Variants in MYO16 observed in about 807,000 individuals in gnomAD.
MYO16 encodes unconventional myosin-XVI.
Under a neutral mutation model 205.3 loss-of-function variants are expected in MYO16, and 94 were observed. The observed-to-expected ratio is 0.46, with a 90% CI of 0.39 to 0.54. MYO16 has a LOEUF of 0.54. Ranked by LOEUF, MYO16 falls within the 20% of genes least tolerant of loss-of-function variation. The pLI is 0.00. For synonymous variants in MYO16, 988 were observed against 954.0 expected (o/e 1.04, Z -0.66); for missense variants, 2,315 against 2,387.5 (o/e 0.97, Z 0.63).
chr13:108,722,164 C>G (rs960855255), intron 3 of MYO16, among the ~76,000 whole-genome samples: 1 of 152,150 alleles, frequency 6.6e-6, no homozygotes, highest in Non-Finnish European at 1.5e-5. Flanking sequence ...GGGGACCTGG[C>G]TCCAGGCTGC....
intron 16 of MYO16, among the ~76,000 whole-genome samples, chr13:108,938,914 T>C (rs999514751): frequency 1.3e-5 from 2 of 152,150 alleles, no homozygotes; most frequent in Non-Finnish European, 2.9e-5. Flanking sequence ...ACAGATCAGA[T>C]CCAGGTCACC....
chr13:108,549,578 T>C, the MYO16 span, among the ~76,000 whole-genome samples: 1 of 152,004 alleles, frequency 6.6e-6, no homozygotes, highest in Non-Finnish European at 1.5e-5. Context: ...AAATACCTAA[T>C]GTGTAAGTAA....
At position 109,025,729 on chromosome 13, in the gene MYO16, G is replaced by A. The variant is rs539347893; in HGVS notation, c.2796+5818G>A. 5.3e-5 allele frequency among the ~76,000 whole-genome samples: 8 copies of A among 152,230 alleles called. No individual in the cohort carries two copies. In the South Asian group the frequency reaches 1.7e-3, roughly 32 times the overall value. ...GAATTATGGGTTGGAGAAAGACATT[G>A]GCTCTTAGGAAAGTTAAATTTCCAT... On this transcript the variant is annotated intron_variant, in intron 23 of 34. Transcript: ENST00000457511.
chr13:108,564,174 T>A, the MYO16 span, among the ~76,000 whole-genome samples: 1 of 43,154 alleles, frequency 2.3e-5, no homozygotes, highest in East Asian at 1.3e-3. Context: ...ATTGCCTTCT[T>A]TTTTTTTTTT....
chr13:108,646,198 T>G (rs988201428), intron 1 of MYO16, among the ~76,000 whole-genome samples: 1 of 152,212 alleles, frequency 6.6e-6, no homozygotes, highest in Non-Finnish European at 1.5e-5. Flanking sequence ...TTTCTTTTTT[T>G]CCCTTGTTAA....
In MYO16 at chr13:108,678,231, C is replaced by G. The variant is rs1008111930; in HGVS notation, c.292+12082C>G. Among the ~76,000 whole-genome samples the G allele has an allele frequency of 1.1e-4, 17 of 152,210 alleles. 1 individual carries two copies. Among genetic ancestry groups the G allele is most frequent in the African/African-American group, 4.1e-4 (17 of 41,454 alleles). ...CAGAGAATTTCTAAAACTGGACATG[C>G]ATAAACACTGCTTCATAAAGCAGCA... On this transcript the variant is annotated intron_variant, in intron 2 of 34. Transcript: ENST00000457511.
intron 12 of MYO16, among the ~76,000 whole-genome samples, chr13:108,874,044 C>G (rs1209325830): frequency 6.6e-6 from 1 of 152,192 alleles, no homozygotes; most frequent in African/African-American, 2.4e-5. Flanking sequence ...GTGTCCTCAT[C>G]CTTGAGCACT....
intron 23 of MYO16, among the ~76,000 whole-genome samples, chr13:109,044,591 A>T (rs1886981092): frequency 6.6e-6 from 1 of 152,196 alleles, no homozygotes; most frequent in African/African-American, 2.4e-5. Context: ...AATTATCTCA[A>T]CTTCCATTAA....
chr13:109,175,192 A>T (rs1025153727), intron 33 of MYO16, among the ~76,000 whole-genome samples: 2 of 152,204 alleles, frequency 1.3e-5, no homozygotes, highest in Non-Finnish European at 2.9e-5. Context: ...CACCACAGTG[A>T]TGAGGAGGAT....
chr13:108,912,003 C>G (rs1191304135), intron 16 of MYO16, among the ~76,000 whole-genome samples: 1 of 152,114 alleles, frequency 6.6e-6, no homozygotes, highest in Non-Finnish European at 1.5e-5. Context: ...AGAAGAGTGG[C>G]CAGAGAACCA....
chr13:108,871,599 C>G (rs1345943352), intron 12 of MYO16, among the ~76,000 whole-genome samples: 2 of 152,162 alleles, frequency 1.3e-5, no homozygotes, highest in Admixed American at 1.3e-4. Context: ...AGCCCCCTTA[C>G]GGGTCTCAGG....
At chr13:108,510,485 T>TTTTTTTTTTTTTTTTTTTTTTTTA in the MYO16 span, among the ~76,000 whole-genome samples, 1 of 96,440 alleles carries the variant, frequency 1.0e-5, no homozygotes, top group African/African-American at 4.2e-5. Flanking sequence ...TTTTTTTTTT[T>TTTTTTTTTTTTTTTTTTTTTTTTA]ATTGTACTTT....
chr13:108,658,801 T>C (rs1365653745), intron 1 of MYO16, among the ~76,000 whole-genome samples: 1 of 152,196 alleles, frequency 6.6e-6, no homozygotes, highest in Non-Finnish European at 1.5e-5. Flanking sequence ...CTTTGCTTTA[T>C]GGCCTAAGAG....
chr13:108,543,644 G>GAAAAAAAAAAAAAAAA, the MYO16 span, among the ~76,000 whole-genome samples: 1 of 77,502 alleles, frequency 1.3e-5, no homozygotes, highest in African/African-American at 4.2e-5. Context: ...TCCCTCTCAA[G>GAAAAAAAAAAAAAAAA]AAAAAAAAAA....
At chr13:108,805,059 T>C (rs1566340210) in intron 6 of MYO16, among the ~76,000 whole-genome samples, 1 of 152,220 alleles carries the variant, frequency 6.6e-6, no homozygotes. Context: ...TCTTCTGAGA[T>C]TCAGATTATT....
At chr13:108,640,331 G>A (rs10083273) in intron 1 of MYO16, among the ~76,000 whole-genome samples, 3,927 of 152,230 alleles carry the variant, frequency 0.026, 166 homozygotes, top group African/African-American at 0.082. Context: ...CGATGAGGAG[G>A]CCATTAGTGA....
chr13:108,692,843 A>T (rs1387465804), intron 2 of MYO16, among the ~76,000 whole-genome samples: 1 of 152,178 alleles, frequency 6.6e-6, no homozygotes, highest in Non-Finnish European at 1.5e-5. Context: ...CTGAGTAGAG[A>T]CCGTTAAAAG....
chr13:108,770,795 A>G (rs1885936061), intron 4 of MYO16, among the ~76,000 whole-genome samples: 1 of 152,264 alleles, frequency 6.6e-6, no homozygotes, highest in Non-Finnish European at 1.5e-5. Flanking sequence ...AACTTTTCTC[A>G]CATAATGACA....
chr13:108,948,120 A>C (rs925723704), intron 16 of MYO16, among the ~76,000 whole-genome samples: 10 of 152,264 alleles, frequency 6.6e-5, no homozygotes, highest in African/African-American at 2.4e-4. Flanking sequence ...AACAATACAG[A>C]AAAGAATTTC....
Sources: allele counts gnomAD v4.1 joint callset (sites outside exome capture counted in the v4.1 genomes callset), GRCh38; gene constraint gnomAD v4.1.1; transcripts MANE v1.5; gene names NCBI Gene and HGNC (gene_info 2026-07-23, HGNC 2026-07-21).